Variants in PLEKHM1 observed in about 807,000 individuals in gnomAD.
PLEKHM1 encodes pleckstrin homology and RUN domain containing M1, also known as pleckstrin homology domain-containing family M member 1.
Under a neutral mutation model 94.3 loss-of-function variants are expected in PLEKHM1, and 28 were observed. The ratio of observed to expected loss-of-function variants is 0.30; its 90% CI spans 0.22 to 0.41. The LOEUF (loss-of-function observed/expected upper bound fraction) is 0.41, where lower values mean the gene tolerates loss of function less well. Ranked by LOEUF, PLEKHM1 falls within the 10% of genes least tolerant of loss-of-function variation. The pLI is 1.00. For synonymous variants in PLEKHM1, 424 were observed against 581.2 expected (o/e 0.73, Z 3.89); for missense variants, 907 against 1,358.6 (o/e 0.67, Z 5.22).
At position 45,458,219 on chromosome 17, in the gene PLEKHM1, G is replaced by A. The variant is rs755729074; in HGVS notation, c.1529C>T (p.Ala510Val). ...GAAGCTCTTATGCCCCTGGGATGGGGCTGCCTGGGCTTGCCTTCTTCCTGG... is the reference window on the plus strand; with the variant it reads ...GAAGCTCTTATGCCCCTGGGATGGGACTGCCTGGGCTTGCCTTCTTCCTGG... The part of the protein sequence containing the change: ...PSPGRRQAQA[A>V]PSQGHKSFRV... The change falls in exon 6 of 12, where the codon GCC becomes GTC. Residue 510 changes from alanine (A) to valine (V), a missense_variant. Coordinates refer to ENST00000430334, the MANE Select transcript of PLEKHM1 (RefSeq NM_014798.3). The A allele has an allele frequency of 6.2e-7, 1 of 1,613,382 alleles. No individual in the cohort carries two copies. Among genetic ancestry groups the A allele is most frequent in the East Asian group, 2.2e-5 (1 of 44,880 alleles).
At chr17:45,434,644 C>T (rs2145137277), downstream of PLEKHM1, among the ~76,000 whole-genome samples, 1 of 152,194 alleles carries the variant, frequency 6.6e-6, no homozygotes, top group African/African-American at 2.4e-5. Flanking sequence ...GGGGTTTCAC[C>T]ATGTTGGCCA....
chr17:45,465,691 C>CA (rs1234496102), intron 5 of PLEKHM1, among the ~76,000 whole-genome samples: 1 of 150,624 alleles, frequency 6.6e-6, no homozygotes, highest in Non-Finnish European at 1.5e-5. Flanking sequence ...GCCTGGGTGA[C>CA]AGAGTGAGAC....
Position 45,453,871 on chromosome 17 carries a change from G to C in PLEKHM1, c.1981C>G (p.Leu661Val), listed in dbSNP as rs767106989. The part of the protein sequence containing the change: ...PQGCLSPSDL[L>V]SEPAALQGTQ... ...CCCTGGAGGGCCGCGGGCTCCGAGA[G>C]CAGGTCTGAGGGAGAGAGGCAGCCC... is the stretch of plus-strand genomic sequence containing the variant. The change falls in exon 7 of 12, where the codon CTC becomes GTC. Residue 661 changes from leucine to valine, a missense_variant. By Grantham distance (32) the Leu-to-Val change is conservative (BLOSUM62 1). Coordinates refer to ENST00000430334, the MANE Select transcript of PLEKHM1 (RefSeq NM_014798.3). The surrounding 1 kb of genome is among the most constrained non-coding windows in gnomAD (Gnocchi z 4.1). 7.4e-6 allele frequency: 12 copies of C among 1,613,972 alleles called. No individual in the cohort carries two copies. The highest frequency in any genetic ancestry group is 1.0e-5 in the Non-Finnish European group (12 of 1,179,844).
In PLEKHM1 at chr17:45,445,078, G is replaced by A. The variant is rs937502199; in HGVS notation, c.2837+392C>T. 5.9e-5 allele frequency among the ~76,000 whole-genome samples: 9 copies of A among 152,348 alleles called. No homozygotes were observed. Among genetic ancestry groups the A allele is most frequent in the Non-Finnish European group, 1.0e-4 (7 of 68,020 alleles). On this transcript the variant is annotated intron_variant, in intron 9 of 11. Coordinates refer to ENST00000430334, the MANE Select transcript of PLEKHM1 (RefSeq NM_014798.3). This position sits in a 1 kb window ranked among gnomAD's most constrained non-coding sequence, Gnocchi z 4.2. ...CTCATTGTTGGAGCCTACATGCCTCGCCAGGTGTGCAGTGCTTAGTATGTT... is the reference window on the plus strand; with the variant it reads ...CTCATTGTTGGAGCCTACATGCCTCACCAGGTGTGCAGTGCTTAGTATGTT...
chr17:45,436,806 C>T lies in PLEKHM1; in HGVS notation c.*1052G>A, dbSNP rs1200066179. On this transcript the variant is annotated 3_prime_UTR_variant, in exon 12 of 12. Transcript: ENST00000430334. ...TGGTGGCTGCATCCACAGGGCAGTTCCCCCGCACGCCCTGCACAGCTTAGG... is the reference window on the plus strand; with the variant it reads ...TGGTGGCTGCATCCACAGGGCAGTTTCCCCGCACGCCCTGCACAGCTTAGG... The T allele has an allele frequency of 4.4e-6, 2 of 454,008 alleles. No homozygotes were observed. The highest frequency in any genetic ancestry group is 2.0e-5 in the African/African-American group (1 of 50,014). The allele number at this position is 454,008 out of a possible 1,614,324, so 28.1% of individuals were successfully genotyped here. A position where few individuals can be genotyped will look rare whatever the true frequency, so the allele number is the denominator to read the frequency against.
rs547563590 is a variant in PLEKHM1, at chr17:45,436,121, G to A, written c.*1737C>T. On this transcript the variant is annotated 3_prime_UTR_variant, in exon 12 of 12. Transcript: ENST00000430334. ...AAAGCACTGGCAGCTTCTGGGGAACGGGCCCCCCAGGGCCTCAAACCTGCT... is the reference window on the plus strand; with the variant it reads ...AAAGCACTGGCAGCTTCTGGGGAACAGGCCCCCCAGGGCCTCAAACCTGCT... The A allele has an allele frequency of 2.0e-5, 9 of 456,310 alleles. No homozygotes were observed. The highest frequency in any genetic ancestry group is 1.4e-4 in the East Asian group (2 of 14,398). 28.3% of individuals were successfully genotyped at this position (456,310 alleles called of 1,614,324 possible). A position where few individuals can be genotyped will look rare whatever the true frequency, so the allele number is the denominator to read the frequency against.
intron 2 of PLEKHM1, among the ~76,000 whole-genome samples, chr17:45,481,313 A>G (rs572574010): frequency 3.0e-4 from 46 of 151,954 alleles, no homozygotes; most frequent in Middle Eastern, 3.4e-3. Flanking sequence ...CCCTTATCAG[A>G]TATTTGATTT....
In PLEKHM1 at chr17:45,468,325, G is replaced by C; in HGVS notation, c.1192C>G (p.Pro398Ala). ...QPVESTSGQQ[P>A]SSTVSETARE... Reference sequence around the variant, plus strand: ...GCTGTCTCGCTGACAGTACTAGAAGGCTGCTGGCCTGAGGTGCTCTCTACA... The same window carrying C: ...GCTGTCTCGCTGACAGTACTAGAAGCCTGCTGGCCTGAGGTGCTCTCTACA... Residue 398 changes from proline to alanine, a missense_variant, in exon 5 of 12, where the codon CCT becomes GCT. Physicochemically the swap from Pro to Ala is conservative, Grantham distance 27 (BLOSUM62 -1). Coordinates refer to ENST00000430334, the MANE Select transcript of PLEKHM1 (RefSeq NM_014798.3). 6.2e-7 allele frequency: 1 copy of C among 1,613,808 alleles called. No individual in the cohort carries two copies.
chr17:45,476,848 A>G (rs2145327680), intron 3 of PLEKHM1, among the ~76,000 whole-genome samples: 1 of 152,234 alleles, frequency 6.6e-6, no homozygotes, highest in South Asian at 2.1e-4. Context: ...TGTAGACCGC[A>G]CTCTACTAGG....
At chr17:45,443,306 A>C (rs2050502966) in intron 9 of PLEKHM1, among the ~76,000 whole-genome samples, 1 of 151,416 alleles carries the variant, frequency 6.6e-6, no homozygotes, top group African/African-American at 2.4e-5. Flanking sequence ...TCCCTCATGC[A>C]GCTCTCACCA....
Position 45,478,236 on chromosome 17 carries a change from G to A in PLEKHM1, c.49-89C>T, listed in dbSNP as rs2868651. 3.0e-4 allele frequency: 447 copies of A among 1,501,370 alleles called. 1 individual carries two copies. The highest frequency in any genetic ancestry group is 3.9e-4 in the Non-Finnish European group (419 of 1,081,756). 93.0% of individuals were successfully genotyped at this position (1,501,370 alleles called of 1,614,324 possible). On this transcript the variant is annotated intron_variant, in intron 2 of 11. Coordinates refer to ENST00000430334, the MANE Select transcript of PLEKHM1 (RefSeq NM_014798.3). ...TAATCCTTTAGCTGGTGCCAAATACGTGTGCAACCACATGCACACACATCT... is the reference window on the plus strand; with the variant it reads ...TAATCCTTTAGCTGGTGCCAAATACATGTGCAACCACATGCACACACATCT...
At chr17:45,451,678 G>A (rs997761357) in intron 7 of PLEKHM1, among the ~76,000 whole-genome samples, 1 of 152,042 alleles carries the variant, frequency 6.6e-6, no homozygotes, top group Non-Finnish European at 1.5e-5. Context: ...GATGCCAGTG[G>A]TTGGTGTCTG....
chr17:45,442,914 A>T (rs1222836158), intron 9 of PLEKHM1, among the ~76,000 whole-genome samples: 1 of 152,156 alleles, frequency 6.6e-6, no homozygotes, highest in African/African-American at 2.4e-5. Context: ...CCGGTCTCTT[A>T]GCCAGGAAAG....
intron 7 of PLEKHM1, among the ~76,000 whole-genome samples, chr17:45,451,741 C>T (rs531828117): frequency 9.9e-5 from 15 of 152,142 alleles, no homozygotes; most frequent in Non-Finnish European, 1.9e-4. Context: ...CCCGGTGGCA[C>T]AGTCCCACCC....
rs781688638 is a variant in PLEKHM1 at position 45,437,802 on chromosome 17, G to T, written c.*56C>A. ...TCCTGGGCTGATGGCAAACCCAGCC[G>T]GGATGGCTGAGCCACACTCACCCCC... is the stretch of plus-strand genomic sequence containing the variant. On this transcript the variant is annotated 3_prime_UTR_variant, in exon 12 of 12. Coordinates refer to ENST00000430334, the MANE Select transcript of PLEKHM1 (RefSeq NM_014798.3). The surrounding 1 kb of genome is among the most constrained non-coding windows in gnomAD (Gnocchi z 4.0). The T allele has an allele frequency of 2.0e-5, 28 of 1,375,952 alleles. No individual in the cohort carries two copies. In the East Asian group the frequency reaches 4.8e-4, roughly 24 times the overall value. The allele number at this position is 1,375,952 out of a possible 1,614,324, so 85.2% of individuals were successfully genotyped here. A position where few individuals can be genotyped will look rare whatever the true frequency, so the allele number is the denominator to read the frequency against.
chr17:45,476,044 G>A (rs746915355), intron 3 of PLEKHM1: 4 of 401,076 alleles, frequency 1.0e-5, no homozygotes, highest in Non-Finnish European at 1.9e-5. Context: ...CCAGCTACTC[G>A]GGAGGTTGAG....
In PLEKHM1 at chr17:45,471,537, C is replaced by A. The variant is rs548605659; in HGVS notation, c.924-2944G>T. Among the ~76,000 whole-genome samples, 666 of 151,776 alleles carry A rather than the reference C, an allele frequency of 4.4e-3. 4 individuals carry two copies. Among genetic ancestry groups the A allele is most frequent in the Non-Finnish European group, 7.6e-3 (514 of 67,942 alleles). Reference sequence around the variant, plus strand: ...CAGCACTTTGAGAGGCTGAGCCAGGCGGATCACCTGAGGTCAGGAGTTCAC... The same window carrying A: ...CAGCACTTTGAGAGGCTGAGCCAGGAGGATCACCTGAGGTCAGGAGTTCAC... On this transcript the variant is annotated intron_variant, in intron 4 of 11. Coordinates refer to ENST00000430334, the MANE Select transcript of PLEKHM1 (RefSeq NM_014798.3).
At chr17:45,466,169 T>G (rs952994949) in intron 5 of PLEKHM1, among the ~76,000 whole-genome samples, 3 of 152,218 alleles carry the variant, frequency 2.0e-5, no homozygotes, top group African/African-American at 4.8e-5. Context: ...CATGGTCATA[T>G]TCAAGAAACA....
chr17:45,470,709 A>G, intron 4 of PLEKHM1, among the ~76,000 whole-genome samples: 1 of 149,800 alleles, frequency 6.7e-6, no homozygotes, highest in Non-Finnish European at 1.5e-5. Context: ...CCCAGGCTGG[A>G]GTGCAGTGGC....
Sources: allele counts gnomAD v4.1 joint callset (sites outside exome capture counted in the v4.1 genomes callset), GRCh38; gene constraint gnomAD v4.1.1; non-coding constraint Gnocchi (gnomAD v3.1); transcripts MANE v1.5; gene names NCBI Gene and HGNC (gene_info 2026-07-23, HGNC 2026-07-21).